Variants in IQGAP2 observed in about 807,000 individuals in gnomAD.
The protein encoded by IQGAP2 is ras GTPase-activating-like protein IQGAP2.
IQGAP2 carries 173 observed loss-of-function variants against 201.3 expected under a neutral mutation model. The observed-to-expected ratio is 0.86, with a 90% CI of 0.76 to 0.98. The LOEUF (loss-of-function observed/expected upper bound fraction) is 0.98. Among genes scored for constraint, IQGAP2 ranks in the 50% least tolerant of loss-of-function variants. The pLI, the probability that IQGAP2 is intolerant of heterozygous loss-of-function variation, is 0.00. For missense variants in IQGAP2, 1,687 were observed against 1,864.8 expected, an observed-to-expected ratio of 0.90 and a Z score of 1.76; for synonymous variants, 675 against 673.9, an observed-to-expected ratio of 1.00 and a Z score of -0.03.
Position 76,403,523 on chromosome 5 carries a change from G to A in IQGAP2, c.-23G>A. Reference sequence around the variant, plus strand: ...GGTAGCCGCGGGGGGCGCGCCCCGGGCGGGCCCCCGGAGACGCGCAGGATG... The same window carrying A: ...GGTAGCCGCGGGGGGCGCGCCCCGGACGGGCCCCCGGAGACGCGCAGGATG... On this transcript the variant is annotated 5_prime_UTR_variant, in exon 1 of 36. Coordinates refer to ENST00000274364, the MANE Select transcript of IQGAP2 (RefSeq NM_006633.5). The surrounding 1 kb of genome is among the most constrained non-coding windows in gnomAD (Gnocchi z 4.8). 1 of 1,480,466 alleles carries A rather than the reference G, an allele frequency of 6.8e-7. No individual in the cohort carries two copies. Among genetic ancestry groups the A allele is most frequent in the Middle Eastern group, 2.3e-4 (1 of 4,270 alleles). 91.7% of individuals were successfully genotyped at this position (1,480,466 alleles called of 1,614,324 possible). A position where few individuals can be genotyped will look rare whatever the true frequency, so the allele number is the denominator to read the frequency against.
In IQGAP2 at chr5:76,473,344, C is replaced by CT. The variant is rs367936783; in HGVS notation, c.146+11684dup. On this transcript the variant is annotated intron_variant, in intron 2 of 35. Coordinates refer to ENST00000274364, the MANE Select transcript of IQGAP2 (RefSeq NM_006633.5). Reference sequence around the variant, plus strand: ...TATATATTGTTTTATTTTCCTTTCTCTTTTTTTTTCCTGTGAACTGTTTCT... The same window carrying CT: ...TATATATTGTTTTATTTTCCTTTCTCTTTTTTTTTTCCTGTGAACTGTTTCT... Among the ~76,000 whole-genome samples, 98 of 151,152 alleles carry CT rather than the reference C, an allele frequency of 6.5e-4. No homozygotes were observed. The East Asian group carries it at 0.013, about 20-fold the overall frequency.
At chr5:76,668,072 A>G (rs954435957) in intron 22 of IQGAP2, among the ~76,000 whole-genome samples, 7 of 151,700 alleles carry the variant, frequency 4.6e-5, no homozygotes, top group African/African-American at 1.7e-4. Context: ...TTCTAGAGAC[A>G]GGGTCTGTCC....
intron 1 of IQGAP2, among the ~76,000 whole-genome samples, chr5:76,460,314 A>G (rs1171648936): frequency 2.0e-5 from 3 of 152,196 alleles, no homozygotes; most frequent in Non-Finnish European, 2.9e-5. Flanking sequence ...GTGGAGCAGA[A>G]GCACTCAGCG....
intron 3 of IQGAP2, among the ~76,000 whole-genome samples, chr5:76,567,738 G>A (rs1744854852): frequency 6.6e-6 from 1 of 152,122 alleles, no homozygotes; most frequent in Non-Finnish European, 1.5e-5. Flanking sequence ...TTTGGATAAT[G>A]TTATTTGTTT....
In IQGAP2 at chr5:76,677,245, C is replaced by T. The variant is rs749466372; in HGVS notation, c.3555C>T (p.Val1185=). ...FRKYFKEACN[V]PEPEEKFNMD... The stretch of plus-strand genomic sequence containing the variant: ...AATATTTCAAAGAAGCATGTAATGT[C>T]CCTGAGCCAGAAGAGAAGTTTAATA... The change falls in exon 28 of 36, where the codon GTC becomes GTT. Residue 1185 remains valine, a synonymous_variant. Coordinates refer to ENST00000274364, the MANE Select transcript of IQGAP2 (RefSeq NM_006633.5). 8.7e-6 allele frequency: 14 copies of T among 1,613,382 alleles called. No homozygotes were observed. In the East Asian group the frequency reaches 3.1e-4, roughly 36 times the overall value.
chr5:76,628,901 A>T (rs537307882), intron 14 of IQGAP2: 7 of 307,738 alleles, frequency 2.3e-5, no homozygotes, highest in South Asian at 1.7e-4. Context: ...CCATGGTCTG[A>T]AGAGACAGTT....
chr5:76,471,364 C>CAAAAA (rs59781605), intron 2 of IQGAP2, among the ~76,000 whole-genome samples: 7 of 72,518 alleles, frequency 9.7e-5, no homozygotes, highest in Admixed American at 4.4e-4. Context: ...ATAAACTAAG[C>CAAAAA]AAAAAAAAAA....
chr5:76,427,699 A>G lies in IQGAP2; in HGVS notation c.46+24108A>G, dbSNP rs560532930. On this transcript the variant is annotated intron_variant, in intron 1 of 35. Transcript: ENST00000274364. ...CCGCAGGTCTGGGCTGGGCCCCGAG[A>G]CTGCATGTGTAACAAGCTCCCAGGT... Among the ~76,000 whole-genome samples, 8 of 152,268 alleles carry G rather than the reference A, an allele frequency of 5.3e-5. No individual in the cohort carries two copies. The South Asian group carries it at 1.7e-3, about 32-fold the overall frequency.
At chr5:76,543,808 G>A (rs890158758) in intron 2 of IQGAP2, among the ~76,000 whole-genome samples, 3 of 152,140 alleles carry the variant, frequency 2.0e-5, no homozygotes, top group Admixed American at 2.0e-4. Flanking sequence ...TAGATGGGAC[G>A]AGGTTTTTTG....
At chr5:76,661,754 G>T (rs748591209) in intron 21 of IQGAP2, among the ~76,000 whole-genome samples, 5 of 152,130 alleles carry the variant, frequency 3.3e-5, no homozygotes, top group Admixed American at 6.6e-5. Context: ...AACCTGTGTA[G>T]GTTTACCAAG....
intron 1 of IQGAP2, among the ~76,000 whole-genome samples, chr5:76,452,823 T>C (rs1354274521): frequency 6.6e-6 from 1 of 152,170 alleles, no homozygotes; most frequent in Non-Finnish European, 1.5e-5. Context: ...TTTTATGATC[T>C]TAGAATTACC....
rs1466963196 is a variant in IQGAP2, at chr5:76,708,102, A to C, written c.*789A>C. 8.1e-6 allele frequency: 1 copy of C among 123,980 alleles called. No homozygotes were observed. Among genetic ancestry groups the C allele is most frequent in the Non-Finnish European group, 1.7e-5 (1 of 60,058 alleles). 7.7% of individuals were successfully genotyped at this position (123,980 alleles called of 1,614,324 possible). On this transcript the variant is annotated 3_prime_UTR_variant, in exon 36 of 36. Coordinates refer to ENST00000274364, the MANE Select transcript of IQGAP2 (RefSeq NM_006633.5). The stretch of plus-strand genomic sequence containing the variant: ...AAATGTATTCTCTGGAAATTGTTTT[A>C]TGTAAAATAAATGTTACTTAATTCC...
rs1205017799 is a variant in IQGAP2 at position 76,707,229 on chromosome 5, A to G, written c.4644A>G (p.Val1548=). ...QDLLQMQYEG[V]AVMKMFDKVK... ...TACTTCAGATGCAATATGAAGGAGT[A>G]GCTGTAATGAAAATGTTTGATAAGG... is the stretch of plus-strand genomic sequence containing the variant. The change falls in exon 36 of 36, where the codon GTA becomes GTG. Residue 1548 remains valine, a synonymous_variant. Transcript: ENST00000274364. 1.3e-6 allele frequency: 2 copies of G among 1,529,974 alleles called. No homozygotes were observed. Among genetic ancestry groups the G allele is most frequent in the Non-Finnish European group, 9.1e-7 (1 of 1,103,588 alleles). The allele number at this position is 1,529,974 out of a possible 1,614,324, so 94.8% of individuals were successfully genotyped here. A position where few individuals can be genotyped will look rare whatever the true frequency, so the allele number is the denominator to read the frequency against.
intron 30 of IQGAP2, among the ~76,000 whole-genome samples, chr5:76,685,082 A>C (rs1271604179): frequency 6.6e-6 from 1 of 152,178 alleles, no homozygotes; most frequent in Non-Finnish European, 1.5e-5. Flanking sequence ...TGGAGAGCAC[A>C]GTTCGACAGT....
At chr5:76,553,837 T>A (rs1301208378) in intron 2 of IQGAP2, among the ~76,000 whole-genome samples, 2 of 152,130 alleles carry the variant, frequency 1.3e-5, no homozygotes, top group Admixed American at 6.5e-5. Flanking sequence ...ATAGAAAGAA[T>A]GGGGAAGAAG....
intron 20 of IQGAP2, among the ~76,000 whole-genome samples, chr5:76,657,686 C>T (rs1742876497): frequency 6.6e-6 from 1 of 152,144 alleles, no homozygotes; most frequent in Admixed American, 6.5e-5. Flanking sequence ...GATCTGATCT[C>T]CCTAAGCATG....
intron 27 of IQGAP2, 34 bp from the exon 28 acceptor site, chr5:76,677,184 G>T: frequency 6.3e-7 from 1 of 1,596,056 alleles, no homozygotes; most frequent in South Asian, 1.1e-5. Flanking sequence ...GCACATGTTT[G>T]AGTCTGTCTT....
At chr5:76,517,996 AC>A (rs1179419810) in intron 2 of IQGAP2, among the ~76,000 whole-genome samples, 1 of 152,040 alleles carries the variant, frequency 6.6e-6, no homozygotes, top group Non-Finnish European at 1.5e-5. Flanking sequence ...TTGCTCTATC[AC>A]CCAGGCTGGA....
chr5:76,663,141 G>A lies in IQGAP2; in HGVS notation c.2530-1885G>A, dbSNP rs1446205702. On this transcript the variant is annotated intron_variant, in intron 21 of 35. Coordinates refer to ENST00000274364, the MANE Select transcript of IQGAP2 (RefSeq NM_006633.5). ...ACCTGACGGTGGTTCTCATCCCCAG[G>A]GGCAACTGGAAATGGGGGCGGGCCC... Among the ~76,000 whole-genome samples, 4 of 152,188 alleles carry A rather than the reference G, an allele frequency of 2.6e-5. No homozygotes were observed. The East Asian group carries it at 7.7e-4, about 29-fold the overall frequency.
Sources: gnomAD v4.1 joint callset for allele counts (sites outside exome capture counted in the v4.1 genomes callset) on GRCh38, gnomAD v4.1.1 for gene constraint, Gnocchi (gnomAD v3.1) non-coding constraint, MANE v1.5 for transcripts, NCBI Gene and HGNC (gene_info 2026-07-23, HGNC 2026-07-21) for gene names.